Variants in ZNF341 observed in about 807,000 individuals in gnomAD.
ZNF341 encodes the protein zinc finger protein 341.
ZNF341 carries 52 observed loss-of-function variants against 87.7 expected under a neutral mutation model. That is an observed-to-expected ratio of 0.59 (90% CI 0.47 to 0.75). The LOEUF is 0.75. Ranked by LOEUF, ZNF341 falls within the 30% of genes least tolerant of loss-of-function variation. The pLI, the probability that ZNF341 is intolerant of heterozygous loss-of-function variation, is 0.00. For synonymous variants in ZNF341, 459 were observed against 472.7 expected (o/e 0.97, Z 0.38); for missense variants, 977 against 1,145.9 (o/e 0.85, Z 2.13).
In ZNF341 at chr20:33,791,365, G is replaced by T. The variant is rs773081682; in HGVS notation, c.2413G>T (p.Val805Leu). The part of the protein sequence containing the change: ...AEPDAVLSIV[V>L]GGAVGAETEL... ...GCCGGACGCGGTGCTGTCCATCGTT[G>T]TGGGTGGTGCGGTGGGCGCGGAAAC... Residue 805 changes from valine (V) to leucine (L), a missense_variant, in exon 15 of 15, where the codon GTG becomes TTG. By Grantham distance (32) the Val-to-Leu change is conservative (BLOSUM62 1). This residue lies in a region of ZNF341 where 221 missense variants were observed against 212.7 expected (regional missense o/e 1.04). Transcript: ENST00000375200. The T allele has an allele frequency of 1.9e-6, 3 of 1,612,650 alleles. No homozygotes were observed. In the African/African-American group the frequency reaches 4.0e-5, roughly 22 times the overall value.
intron 3 of ZNF341, 93 bp from the exon 4 acceptor site, chr20:33,748,830 C>A (rs561564478): frequency 1.5e-6 from 2 of 1,303,066 alleles, no homozygotes; most frequent in Non-Finnish European, 2.1e-6. Context: ...ACTTACAGAG[C>A]CTGACATGTC....
intron 7 of ZNF341, among the ~76,000 whole-genome samples, 187 bp from the exon 8 acceptor site, chr20:33,761,675 C>G (rs1256408114): frequency 6.6e-6 from 1 of 152,188 alleles, no homozygotes; most frequent in Admixed American, 6.5e-5. Context: ...AGTAACGTGA[C>G]CCGGAACCCA....
At chr20:33,779,595 C>T (rs990012939) in intron 10 of ZNF341, among the ~76,000 whole-genome samples, 2 of 151,960 alleles carry the variant, frequency 1.3e-5, no homozygotes, top group African/African-American at 2.4e-5. Context: ...GGGTTACAGG[C>T]AGGTGCCACC....
intron 3 of ZNF341, among the ~76,000 whole-genome samples, chr20:33,747,614 C>CAAAAA (rs773781002): frequency 7.0e-4 from 11 of 15,622 alleles, no homozygotes; most frequent in African/African-American, 1.2e-3. Flanking sequence ...GACTCCGTCT[C>CAAAAA]AAAAAAAAAA....
At chr20:33,782,926 C>T (rs1398273882) in intron 11 of ZNF341, among the ~76,000 whole-genome samples, 3 of 152,068 alleles carry the variant, frequency 2.0e-5, no homozygotes, top group East Asian at 1.9e-4. Context: ...GAGGCTGAGG[C>T]GGGTGGATCA....
At chr20:33,769,350 CAGGGA>C (rs1033786865) in intron 9 of ZNF341, among the ~76,000 whole-genome samples, 2 of 16,164 alleles carry the variant, frequency 1.2e-4, no homozygotes, top group African/African-American at 9.3e-4. Flanking sequence ...TTCTCAGGGC[CAGGGA>C]GGGGGTGAAG....
At chr20:33,745,074 T>C (rs1353869561) in intron 2 of ZNF341, 29 bp from the exon 3 acceptor site, 11 of 1,588,678 alleles carry the variant, frequency 6.9e-6, no homozygotes, top group Middle Eastern at 3.4e-4. Flanking sequence ...CTGTGGCCTC[T>C]TCCCACTACT....
intron 1 of ZNF341, among the ~76,000 whole-genome samples, chr20:33,733,218 CTTTTT>C (rs1163203751): frequency 7.6e-6 from 1 of 130,772 alleles, no homozygotes; most frequent in South Asian, 2.4e-4. Flanking sequence ...GGCTAATTTC[CTTTTT>C]TTTTTTTTTT....
intron 1 of ZNF341, among the ~76,000 whole-genome samples, chr20:33,738,137 CAAA>C (rs35695162): frequency 1.7e-5 from 2 of 118,246 alleles, no homozygotes; most frequent in Non-Finnish European, 1.7e-5. Context: ...AACTCCATCT[CAAA>C]AAAAAAAAAA....
chr20:33,739,572 T>C (rs2018759568), intron 1 of ZNF341, among the ~76,000 whole-genome samples: 1 of 152,218 alleles, frequency 6.6e-6, no homozygotes, highest in Non-Finnish European at 1.5e-5. Flanking sequence ...GAGTCTATTG[T>C]TTATTGCAGA....
chr20:33,742,346 G>A (rs1187078494), intron 2 of ZNF341, among the ~76,000 whole-genome samples: 1 of 152,002 alleles, frequency 6.6e-6, no homozygotes, highest in African/African-American at 2.4e-5. Context: ...ACAGGTGCCC[G>A]CCACCATGCC....
intron 10 of ZNF341, among the ~76,000 whole-genome samples, chr20:33,772,176 T>A (rs990298111): frequency 1.2e-4 from 19 of 152,148 alleles, no homozygotes; most frequent in Non-Finnish European, 2.5e-4. Flanking sequence ...ATCACTTTGA[T>A]GATGTCATGA....
At chr20:33,752,607 A>T in intron 4 of ZNF341, 1 of 291,510 alleles carries the variant, frequency 3.4e-6, no homozygotes, top group South Asian at 3.7e-5. Flanking sequence ...CTGCTATATT[A>T]ACTCTTTTCT....
At chr20:33,763,117 A>G (rs2019330467) in intron 8 of ZNF341, among the ~76,000 whole-genome samples, 1 of 152,152 alleles carries the variant, frequency 6.6e-6, no homozygotes, top group African/African-American at 2.4e-5. Context: ...ATCTAGTGAC[A>G]TTGTTGCCAT....
intron 4 of ZNF341, among the ~76,000 whole-genome samples, chr20:33,749,290 G>A (rs564081622): frequency 6.6e-6 from 1 of 152,038 alleles, no homozygotes. Context: ...ATACAGTGCA[G>A]CTATTTTGAC....
intron 2 of ZNF341, among the ~76,000 whole-genome samples, chr20:33,742,806 G>T (rs2018831183): frequency 6.6e-6 from 1 of 152,042 alleles, no homozygotes; most frequent in Admixed American, 6.6e-5. Flanking sequence ...TTGCAGATAC[G>T]GTACAGTTCT....
chr20:33,739,449 T>G (rs2018757674), intron 1 of ZNF341, among the ~76,000 whole-genome samples: 1 of 152,198 alleles, frequency 6.6e-6, no homozygotes, highest in Admixed American at 6.6e-5. Flanking sequence ...TGAGGAGGCC[T>G]GTCATCCGGC....
intron 3 of ZNF341, among the ~76,000 whole-genome samples, chr20:33,747,637 A>C (rs1241319523): frequency 3.8e-5 from 5 of 132,736 alleles, no homozygotes; most frequent in Admixed American, 7.0e-5. Flanking sequence ...AAAAAAAAAA[A>C]AAAAACACAG....
rs2122698143 is a variant in ZNF341, at chr20:33,766,945, C to T, written c.1317C>T (p.Val439=). Residue 439 remains valine, a synonymous_variant, in exon 9 of 15, where the codon GTC becomes GTT. Transcript: ENST00000375200. ...ACAAGCCGGAGTCCAAGCAGGTGGT[C>T]CTCATCGACAGCTCCTACCTGTGCC... ...EGDKPESKQV[V]LIDSSYLCQF... is the part of the protein sequence containing the mutation. The T allele has an allele frequency of 6.2e-7, 1 of 1,614,206 alleles. No individual in the cohort carries two copies. The highest frequency in any genetic ancestry group is 8.5e-7 in the Non-Finnish European group (1 of 1,180,036).
Sources: allele counts gnomAD v4.1 joint callset (sites outside exome capture counted in the v4.1 genomes callset), GRCh38; gene constraint gnomAD v4.1.1; regional missense constraint gnomAD v4.1.1; transcripts MANE v1.5; gene names NCBI Gene and HGNC (gene_info 2026-07-23, HGNC 2026-07-21).